Variants in RIC8B observed in about 807,000 individuals in gnomAD.
The protein encoded by RIC8B is chaperone Ric-8B.
RIC8B carries 16 observed loss-of-function variants against 57.5 expected under a neutral mutation model. That is an observed-to-expected ratio of 0.28 (90% CI 0.19 to 0.42). RIC8B has a LOEUF of 0.42. Among genes scored for constraint, RIC8B ranks in the 10% least tolerant of loss-of-function variants. The probability of loss-of-function intolerance (pLI) is 1.00; values close to 1 mark genes in which losing one functional copy is unlikely to be tolerated. For missense variants in RIC8B, 481 were observed against 677.0 expected (o/e 0.71, Z 3.21); for synonymous variants, 216 against 250.8 (o/e 0.86, Z 1.31).
chr12:106,876,842 G>A (rs763720522), intron 9 of RIC8B, among the ~76,000 whole-genome samples: 5 of 152,088 alleles, frequency 3.3e-5, no homozygotes, highest in East Asian at 3.9e-4. Flanking sequence ...TGGGAAGAGC[G>A]TTAAGAACTT....
In RIC8B at chr12:106,814,824, A is replaced by G; in HGVS notation, c.261A>G (p.Glu87=). The part of the protein sequence containing the change: ...KKVLVPVTTK[E]NMQILLRLAK... ...TTTTAGTTCCTGTGACAACTAAGGA[A>G]AATATGCAGATACTGCTGCGACTAG... Residue 87 remains glutamate (E), a synonymous_variant, in exon 3 of 10, where the codon GAA becomes GAG. Transcript: ENST00000392837. The G allele has an allele frequency of 6.2e-7, 1 of 1,614,234 alleles. No individual in the cohort carries two copies. The highest frequency in any genetic ancestry group is 8.5e-7 in the Non-Finnish European group (1 of 1,180,032).
chr12:106,863,098 A>T lies in RIC8B; in HGVS notation c.1451+2686A>T, dbSNP rs948958465. The stretch of plus-strand genomic sequence containing the variant: ...TGGAGGTCCCTTGACTGTAAAGGTG[A>T]TATAACTGGCTGGTATGGTTTATAC... On this transcript the variant is annotated intron_variant, in intron 8 of 9. Coordinates refer to ENST00000392837, the MANE Select transcript of RIC8B (RefSeq NM_001330145.2). Among the ~76,000 whole-genome samples the T allele has an allele frequency of 4.6e-5, 7 of 152,126 alleles. No homozygotes were observed. In the East Asian group the frequency reaches 1.3e-3, roughly 29 times the overall value.
rs771377833 is a variant in RIC8B at position 106,783,994 on chromosome 12, C to T, written c.85-3C>T. 8.6e-5 allele frequency: 138 copies of T among 1,612,254 alleles called. 1 individual carries two copies. The Admixed American group carries it at 2.2e-3, about 26-fold the overall frequency. ...GACATTGTTTCCCTTTTTTCCCCCT[C>T]AGCATAGGGCTACTTTCAAATTTGA... On this transcript the variant is annotated splice_region_variant and splice_polypyrimidine_tract_variant and intron_variant, in intron 1 of 9. Coordinates refer to ENST00000392837, the MANE Select transcript of RIC8B (RefSeq NM_001330145.2).
intron 1 of RIC8B, among the ~76,000 whole-genome samples, chr12:106,776,387 C>G (rs1279677056): frequency 6.6e-6 from 1 of 152,194 alleles, no homozygotes; most frequent in Non-Finnish European, 1.5e-5. Flanking sequence ...CAGCTTCAAA[C>G]TGATTTTCAG....
intron 7 of RIC8B, among the ~76,000 whole-genome samples, chr12:106,853,556 C>T (rs1190631475): frequency 1.4e-5 from 2 of 147,328 alleles, no homozygotes; most frequent in African/African-American, 5.0e-5. Flanking sequence ...GCAACCTCCG[C>T]CTCCCAGGTT....
At chr12:106,812,081 T>C (rs2045359225) in intron 2 of RIC8B, among the ~76,000 whole-genome samples, 1 of 152,182 alleles carries the variant, frequency 6.6e-6, no homozygotes, top group Admixed American at 6.5e-5. Flanking sequence ...AATTGTAATT[T>C]AAAAAGAGTC....
intron 2 of RIC8B, among the ~76,000 whole-genome samples, chr12:106,801,301 T>G (rs931316841): frequency 6.6e-6 from 1 of 152,222 alleles, no homozygotes; most frequent in Non-Finnish European, 1.5e-5. Flanking sequence ...CATTTACACC[T>G]AAGCTCTTTC....
intron 2 of RIC8B, among the ~76,000 whole-genome samples, chr12:106,785,785 GTC>G (rs370138594): frequency 0.06 from 6,259 of 104,448 alleles, 268 homozygotes; most frequent in South Asian, 0.14. Flanking sequence ...TGTATTCTAT[GTC>G]TCTCTCTCTC....
chr12:106,775,942 A>G (rs1292912920), intron 1 of RIC8B, among the ~76,000 whole-genome samples: 1 of 152,178 alleles, frequency 6.6e-6, no homozygotes, highest in Non-Finnish European at 1.5e-5. Flanking sequence ...ACTTTGTATT[A>G]CTGACAATTG....
In RIC8B at chr12:106,886,644, GA is replaced by G. The variant is rs1951195221; in HGVS notation, c.*630del. On this transcript the variant is annotated 3_prime_UTR_variant, in exon 10 of 10. Transcript: ENST00000392837. ...TTCAGAATACATTTCTCCCTATAAA[GA>G]GTTATAAATGATGGTTTAGTTCTCA... 6.6e-6 allele frequency: 1 copy of G among 152,600 alleles called. No individual in the cohort carries two copies. Among genetic ancestry groups the G allele is most frequent in the Non-Finnish European group, 1.5e-5 (1 of 68,046 alleles). The allele number at this position is 152,600 out of a possible 1,614,324, so 9.5% of individuals were successfully genotyped here.
At chr12:106,847,693 C>T (rs1282214902) in intron 6 of RIC8B, among the ~76,000 whole-genome samples, 1 of 152,080 alleles carries the variant, frequency 6.6e-6, no homozygotes, top group Non-Finnish European at 1.5e-5. Flanking sequence ...AGAAGAAAGT[C>T]ATTTGAGTGG....
chr12:106,817,320 G>A (rs926201858), intron 3 of RIC8B, among the ~76,000 whole-genome samples: 1 of 152,184 alleles, frequency 6.6e-6, no homozygotes, highest in African/African-American at 2.4e-5. Flanking sequence ...TGCTAGGAGA[G>A]AAAGAGCGCA....
intron 2 of RIC8B, among the ~76,000 whole-genome samples, chr12:106,800,682 C>T (rs1458840594): frequency 2.0e-5 from 3 of 152,134 alleles, no homozygotes; most frequent in South Asian, 2.1e-4. Flanking sequence ...ATCTTTCATA[C>T]GTGCTTGGGC....
intron 6 of RIC8B, among the ~76,000 whole-genome samples, chr12:106,847,672 AAGAG>A (rs907447048): frequency 6.6e-6 from 1 of 151,964 alleles, no homozygotes; most frequent in African/African-American, 2.4e-5. Flanking sequence ...TTGACATAGA[AAGAG>A]AGAGAGAGAA....
intron 2 of RIC8B, 75 bp from the exon 3 acceptor site, chr12:106,814,621 A>G: frequency 2.1e-6 from 3 of 1,424,944 alleles, no homozygotes; most frequent in East Asian, 2.3e-5. Flanking sequence ...TGTTAAGTAC[A>G]TTGGCAGAGA....
rs2043355139 is a variant in RIC8B, at chr12:106,774,732, CCG to C, written c.-12_-11del. On this transcript the variant is annotated 5_prime_UTR_variant, in exon 1 of 10. Transcript: ENST00000392837. ...GGCGCGCAGAGCGGCCGCGGCTCCC[CCG>C]CACCTGCGGCCATGGATGAGGAGCG... 3.9e-6 allele frequency: 6 copies of C among 1,546,698 alleles called. No individual in the cohort carries two copies. The highest frequency in any genetic ancestry group is 5.2e-6 in the Non-Finnish European group (6 of 1,144,264).
At chr12:106,874,478 T>C in intron 9 of RIC8B, 3 of 1,550,736 alleles carry the variant, frequency 1.9e-6, no homozygotes, top group Non-Finnish European at 2.6e-6. Context: ...TTTCCATCCA[T>C]AGGAGAGCAG....
Position 106,805,149 on chromosome 12 carries a change from G to A in RIC8B, c.133-9547G>A, listed in dbSNP as rs149899312. Among the ~76,000 whole-genome samples, 18 of 152,296 alleles carry A rather than the reference G, an allele frequency of 1.2e-4. No homozygotes were observed. In the East Asian group the frequency reaches 3.3e-3, roughly 28 times the overall value. ...AGGTATCTACTATGGGACAGTTAAA[G>A]AGAAATGTCTACCAGGCAGCAACAT... On this transcript the variant is annotated intron_variant, in intron 2 of 9. Coordinates refer to ENST00000392837, the MANE Select transcript of RIC8B (RefSeq NM_001330145.2).
intron 2 of RIC8B, among the ~76,000 whole-genome samples, chr12:106,802,210 C>T (rs2044763708): frequency 6.6e-6 from 1 of 152,122 alleles, no homozygotes; most frequent in South Asian, 2.1e-4. Flanking sequence ...ATGTAGAAAT[C>T]GCCTACCCCA....
Sources: allele counts gnomAD v4.1 joint callset (sites outside exome capture counted in the v4.1 genomes callset), GRCh38; gene constraint gnomAD v4.1.1; transcripts MANE v1.5; gene names NCBI Gene and HGNC (gene_info 2026-07-23, HGNC 2026-07-21).